The following STARD13 variants were observed in gnomAD, a reference collection of about 807,000 sequenced individuals.
STARD13 encodes the protein StAR related lipid transfer domain containing 13.
In STARD13, 62 loss-of-function variants were observed where a neutral mutation model predicts 106.4. The ratio of observed to expected loss-of-function variants is 0.58; its 90% CI spans 0.48 to 0.72. The LOEUF is 0.72. STARD13 is among the 30% of genes least tolerant of loss of function. The pLI, the probability that STARD13 is intolerant of heterozygous loss-of-function variation, is 0.00. For missense variants in STARD13, 1,387 were observed against 1,424.0 expected (o/e 0.97, Z 0.42); for synonymous variants, 565 against 553.0 (o/e 1.02, Z -0.31).
At chr13:33,205,735 A>G (rs1887372445) in intron 1 of STARD13, 2 of 497,506 alleles carry the variant, frequency 4.0e-6, no homozygotes, top group South Asian at 8.5e-5. Context: ...TTTTATATCA[A>G]TGACAAAACT....
the STARD13 span, among the ~76,000 whole-genome samples, chr13:33,369,105 T>C: frequency 3.3e-5 from 5 of 152,078 alleles, no homozygotes; most frequent in African/African-American, 7.2e-5. Context: ...ATAAAATGCA[T>C]TGGTGTCTGT....
intron 1 of STARD13, among the ~76,000 whole-genome samples, chr13:33,227,385 T>A (rs893936170): frequency 6.6e-6 from 1 of 152,204 alleles, no homozygotes; most frequent in Non-Finnish European, 1.5e-5. Context: ...ACTTTCCATA[T>A]CAATACCTTG....
intron 1 of STARD13, among the ~76,000 whole-genome samples, chr13:33,258,525 C>T (rs536482557): frequency 4.0e-5 from 6 of 151,800 alleles, no homozygotes; most frequent in Non-Finnish European, 5.9e-5. Context: ...TGTTTGCACG[C>T]TCTCTAGCTG....
At chr13:33,242,553 A>C (rs993567552) in intron 1 of STARD13, among the ~76,000 whole-genome samples, 1 of 152,190 alleles carries the variant, frequency 6.6e-6, no homozygotes, top group Non-Finnish European at 1.5e-5. Flanking sequence ...TGAAGGCAGC[A>C]TACTCCTTAA....
the STARD13 span, among the ~76,000 whole-genome samples, chr13:33,428,808 G>T: frequency 2.6e-5 from 4 of 152,230 alleles, no homozygotes; most frequent in Non-Finnish European, 5.9e-5. Context: ...CTTTTTAGGA[G>T]CCCAAACAAC....
chr13:33,415,370 A>AAAAT, the STARD13 span, among the ~76,000 whole-genome samples: 165 of 152,278 alleles, frequency 1.1e-3, no homozygotes, highest in East Asian at 3.1e-3. Flanking sequence ...TCCGTCTCAA[A>AAAAT]AAATAAATAA....
At chr13:33,661,849 C>T in the STARD13 span, among the ~76,000 whole-genome samples, 2 of 148,822 alleles carry the variant, frequency 1.3e-5, no homozygotes, top group Admixed American at 6.7e-5. Context: ...TGTGTATCTA[C>T]GTATGGGAGG....
chr13:33,586,004 G>C, the STARD13 span, among the ~76,000 whole-genome samples: 1 of 152,124 alleles, frequency 6.6e-6, no homozygotes, highest in East Asian at 1.9e-4. Context: ...TCTGGAAACC[G>C]GTGATGGTAG....
intron 3 of STARD13, among the ~76,000 whole-genome samples, chr13:33,147,737 T>C (rs1880740017): frequency 6.6e-6 from 1 of 152,168 alleles, no homozygotes; most frequent in Non-Finnish European, 1.5e-5. Context: ...CTAAAGTTTA[T>C]ATGAAGGAGC....
the STARD13 span, among the ~76,000 whole-genome samples, chr13:33,451,023 C>T: frequency 6.6e-6 from 1 of 152,098 alleles, no homozygotes; most frequent in Non-Finnish European, 1.5e-5. Flanking sequence ...GCTGAGACCT[C>T]AGGCACATGC....
At chr13:33,180,922 A>AT (rs1408324470) in intron 1 of STARD13, among the ~76,000 whole-genome samples, 1 of 152,126 alleles carries the variant, frequency 6.6e-6, no homozygotes, top group South Asian at 2.1e-4. Flanking sequence ...TCGACACATA[A>AT]TTTTTTAAAA....
At position 33,163,651 on chromosome 13, in the gene STARD13, TATAA is replaced by T. The variant is rs1423342026; in HGVS notation, c.323+1682_323+1685del. Reference sequence around the variant, plus strand: ...AACATATATATATAACATATATATATATAAAACATATATATATAACATATATATA... The same window carrying T: ...AACATATATATATAACATATATATATAACATATATATATAACATATATATA... On this transcript the variant is annotated intron_variant, in intron 3 of 13. Coordinates refer to ENST00000336934, the MANE Select transcript of STARD13 (RefSeq NM_178006.4). Among the ~76,000 whole-genome samples, 659 of 128,274 alleles carry T rather than the reference TATAA, an allele frequency of 5.1e-3. 6 individuals are homozygous for T. Among genetic ancestry groups the T allele is most frequent in the African/African-American group, 0.02 (621 of 31,114 alleles). 84.2% of individuals were successfully genotyped at this position (128,274 alleles called of 152,430 possible). A position where few individuals can be genotyped will look rare whatever the true frequency, so the allele number is the denominator to read the frequency against.
the STARD13 span, among the ~76,000 whole-genome samples, chr13:33,552,958 G>A: frequency 2.0e-5 from 3 of 152,018 alleles, no homozygotes; most frequent in Non-Finnish European, 4.4e-5. Flanking sequence ...ACAAGCTATG[G>A]TAGACACTGA....
At chr13:33,230,585 C>G (rs1329783255) in intron 1 of STARD13, among the ~76,000 whole-genome samples, 2 of 152,194 alleles carry the variant, frequency 1.3e-5, no homozygotes, top group Non-Finnish European at 2.9e-5. Flanking sequence ...TTTTTCATCA[C>G]CCTTTCCGGT....
the STARD13 span, among the ~76,000 whole-genome samples, chr13:33,632,197 T>C: frequency 6.6e-6 from 1 of 152,188 alleles, no homozygotes; most frequent in Non-Finnish European, 1.5e-5. Context: ...TAATTGAGGA[T>C]AGGCTAAGAC....
chr13:33,621,400 G>T, the STARD13 span, among the ~76,000 whole-genome samples: 1 of 151,780 alleles, frequency 6.6e-6, no homozygotes, highest in African/African-American at 2.4e-5. Flanking sequence ...AAAACTGGCC[G>T]GGCACAGTCG....
the STARD13 span, among the ~76,000 whole-genome samples, chr13:33,356,442 C>T: frequency 6.6e-6 from 1 of 152,102 alleles, no homozygotes; most frequent in South Asian, 2.1e-4. Flanking sequence ...AGCCCCAGTC[C>T]CCAGCTCCCA....
intron 1 of STARD13, chr13:33,275,771 T>C (rs1333662442): frequency 6.6e-6 from 1 of 152,230 alleles, no homozygotes; most frequent in African/African-American, 2.4e-5. Context: ...TTTCAATTAT[T>C]TGCTCCTAAG....
At chr13:33,390,186 C>A in the STARD13 span, among the ~76,000 whole-genome samples, 4 of 152,058 alleles carry the variant, frequency 2.6e-5, no homozygotes, top group African/African-American at 9.7e-5. Context: ...GGTATGCAAG[C>A]TATTAATAAA....
Sources: gnomAD v4.1 joint callset for allele counts (sites outside exome capture counted in the v4.1 genomes callset) on GRCh38, gnomAD v4.1.1 for gene constraint, MANE v1.5 for transcripts, NCBI Gene and HGNC (gene_info 2026-07-23, HGNC 2026-07-21) for gene names.